NID1: variants seen among roughly 807,000 people sequenced by gnomAD.
NID1 encodes the protein nidogen-1.
A neutral mutation model predicts 130.6 loss-of-function variants in NID1; 76 were observed. That is an observed-to-expected ratio of 0.58 (90% CI 0.48 to 0.70). The LOEUF is 0.70. NID1 is among the 30% of genes least tolerant of loss of function. The probability of loss-of-function intolerance (pLI) is 0.00; values close to 1 mark genes in which losing one functional copy is unlikely to be tolerated. For synonymous variants in NID1, 665 were observed against 675.1 expected (o/e 0.98, Z 0.23); for missense variants, 1,517 against 1,664.8 (o/e 0.91, Z 1.54).
intron 9 of NID1, among the ~76,000 whole-genome samples, chr1:236,020,046 A>AC (rs1387821647): frequency 1.5e-5 from 2 of 136,364 alleles, no homozygotes; most frequent in African/African-American, 5.2e-5. Context: ...TAAAAAAAAA[A>AC]AAAAAAAAAA....
intron 1 of NID1, among the ~76,000 whole-genome samples, chr1:236,058,545 TGTTTCCCATCTTAGAAA>T (rs1659953665): frequency 6.6e-6 from 1 of 152,164 alleles, no homozygotes; most frequent in African/African-American, 2.4e-5. Context: ...AATGGGAGGG[TGTTTCCCATCTTAGAAA>T]GCACTTCCTG....
At chr1:236,057,502 G>T (rs1455356040) in intron 1 of NID1, among the ~76,000 whole-genome samples, 1 of 152,008 alleles carries the variant, frequency 6.6e-6, no homozygotes, top group Non-Finnish European at 1.5e-5. Flanking sequence ...GGCTGAGGCG[G>T]GCGGATCACC....
intron 12 of NID1, among the ~76,000 whole-genome samples, chr1:236,002,043 AG>A (rs1658090565): frequency 6.6e-6 from 1 of 152,248 alleles, no homozygotes; most frequent in Non-Finnish European, 1.5e-5. Flanking sequence ...GCGCCCTGCA[AG>A]GGCTAAATAG....
rs1040993013 is a variant in NID1, at chr1:235,979,759, C to T, written c.3509+63G>A. The stretch of plus-strand genomic sequence containing the variant: ...AAGAGGCCAGATGGGAAGGGCCTGG[C>T]CTCCCAGAGACAGTGGGTGGAGGGG... On this transcript the variant is annotated intron_variant, in intron 18 of 19. Transcript: ENST00000264187. The surrounding 1 kb of genome is among the most constrained non-coding windows in gnomAD (Gnocchi z 4.6). 1.8e-5 allele frequency: 29 copies of T among 1,594,958 alleles called. No homozygotes were observed. Among genetic ancestry groups the T allele is most frequent in the Middle Eastern group, 1.8e-4 (1 of 5,468 alleles).
chr1:236,061,952 C>T (rs1247560806), intron 1 of NID1, among the ~76,000 whole-genome samples: 2 of 152,144 alleles, frequency 1.3e-5, no homozygotes, highest in African/African-American at 2.4e-5. Flanking sequence ...GTCGAGAAAT[C>T]GGAACCCTCA....
Position 236,057,437 on chromosome 1 carries a change from A to T in NID1, c.225+7418T>A, listed in dbSNP as rs148013782. 2.4e-4 allele frequency among the ~76,000 whole-genome samples: 36 copies of T among 151,954 alleles called. 1 individual carries two copies. Among genetic ancestry groups the T allele is most frequent in the African/African-American group, 8.4e-4 (35 of 41,448 alleles). On this transcript the variant is annotated intron_variant, in intron 1 of 19. Coordinates refer to ENST00000264187, the MANE Select transcript of NID1 (RefSeq NM_002508.3). ...TGGATCTATGATTCCCTCCTTCTTG[A>T]AAACCTCCTCAGCTGGGCGTGGTGG...
rs1558428624 is a variant in NID1 at position 236,003,105 on chromosome 1, CTGG to C, written c.2527+8813_2527+8815del. On this transcript the variant is annotated intron_variant, in intron 12 of 19. Transcript: ENST00000264187. ...GGTAGTTGTCACTCCTAGTGAACGA[CTGG>C]TAGTTGTCACTCCTAGTGAACGACT... Among the ~76,000 whole-genome samples the C allele has an allele frequency of 4.7e-5, 5 of 106,554 alleles. 1 individual carries two copies. Among genetic ancestry groups the C allele is most frequent in the Admixed American group, 8.7e-5 (1 of 11,434 alleles). 69.9% of individuals were successfully genotyped at this position (106,554 alleles called of 152,430 possible).
Position 236,026,124 on chromosome 1 carries a change from T to G in NID1, c.1756A>C (p.Thr586Pro), listed in dbSNP as rs750800002. 3.7e-6 allele frequency: 6 copies of G among 1,612,888 alleles called. No homozygotes were observed. The highest frequency in any genetic ancestry group is 5.1e-6 in the Non-Finnish European group (6 of 1,179,772). The change falls in exon 8 of 20, where the codon ACC becomes CCC. Residue 586 changes from threonine (T) to proline (P), a missense_variant. Thr to Pro is a conservative substitution (Grantham distance 38). Transcript: ENST00000264187. ...GGCTCAGTCACCGTGTACTCCCGGG[T>G]GGAGGAGGAAGTGATCACTGCAGAG... is the stretch of plus-strand genomic sequence containing the variant. Reference protein sequence around the residue: ...YSTSVITSSSTREYTVTEPER... With the variant: ...YSTSVITSSSPREYTVTEPER...
intron 10 of NID1, among the ~76,000 whole-genome samples, chr1:236,015,136 T>C (rs990210023): frequency 1.3e-5 from 2 of 152,184 alleles, no homozygotes; most frequent in African/African-American, 4.8e-5. Context: ...CCTTGCCCCA[T>C]TCTGACCTGC....
At chr1:236,060,705 A>G (rs938474883) in intron 1 of NID1, 1 of 152,050 alleles carries the variant, frequency 6.6e-6, no homozygotes, top group Admixed American at 6.6e-5. Flanking sequence ...GGGTTATCTG[A>G]ACTTATTAGC....
chr1:236,064,131 C>T (rs1422794304), intron 1 of NID1, among the ~76,000 whole-genome samples: 4 of 152,128 alleles, frequency 2.6e-5, no homozygotes, highest in African/African-American at 4.8e-5. Context: ...GGCAGCGGCA[C>T]GAAAGGACTT....
At chr1:235,980,791 G>GTGAT in intron 16 of NID1, 138 bp from the exon 17 acceptor site, 1 of 940,052 alleles carries the variant, frequency 1.1e-6, no homozygotes, top group Non-Finnish European at 1.5e-6. Context: ...GGATCGAGAG[G>GTGAT]TGATAAAACA....
At position 235,979,475 on chromosome 1, in the gene NID1, T is replaced by C. The variant is rs1008209896; in HGVS notation, c.3509+347A>G. Among the ~76,000 whole-genome samples, 1 of 152,114 alleles carries C rather than the reference T, an allele frequency of 6.6e-6. No individual in the cohort carries two copies. The highest frequency in any genetic ancestry group is 1.5e-5 in the Non-Finnish European group (1 of 68,014). On this transcript the variant is annotated intron_variant, in intron 18 of 19. Coordinates refer to ENST00000264187, the MANE Select transcript of NID1 (RefSeq NM_002508.3). This position sits in a 1 kb window ranked among gnomAD's most constrained non-coding sequence, Gnocchi z 4.6. ...TAACAACTATAATGAAGCAGGGACA[T>C]GAAGTGGACATGGAGCCCACCGGCC...
At chr1:236,029,303 A>C (rs1263322683) in intron 7 of NID1, among the ~76,000 whole-genome samples, 1 of 152,258 alleles carries the variant, frequency 6.6e-6, no homozygotes, top group Admixed American at 6.5e-5. Context: ...AAATACACTT[A>C]AATGTCATAA....
chr1:235,997,601 CTTTTTTTTTT>C (rs11325487), intron 12 of NID1, among the ~76,000 whole-genome samples: 1 of 127,604 alleles, frequency 7.8e-6, no homozygotes, highest in East Asian at 2.3e-4. Context: ...AGTTCCATTA[CTTTTTTTTTT>C]TTTTTTTTTT....
chr1:236,014,695 C>T (rs911521767), intron 10 of NID1, among the ~76,000 whole-genome samples: 8 of 152,100 alleles, frequency 5.3e-5, no homozygotes, highest in Non-Finnish European at 7.4e-5. Context: ...TAAGCCTGGG[C>T]CCTGTTCTTC....
At chr1:236,015,148 G>A (rs1350396288) in intron 10 of NID1, among the ~76,000 whole-genome samples, 1 of 152,176 alleles carries the variant, frequency 6.6e-6, no homozygotes, top group Non-Finnish European at 1.5e-5. Flanking sequence ...CTGACCTGCA[G>A]GGTAACCTTC....
chr1:236,040,412 T>C (rs1172079105), intron 4 of NID1, among the ~76,000 whole-genome samples: 4 of 152,086 alleles, frequency 2.6e-5, no homozygotes, highest in Admixed American at 1.3e-4. Flanking sequence ...GGGATACTCG[T>C]GAGAACAAGC....
At position 235,981,120 on chromosome 1, in the gene NID1, G is replaced by A. The variant is rs1180244057; in HGVS notation, c.3228-467C>T. Among the ~76,000 whole-genome samples the A allele has an allele frequency of 2.0e-5, 3 of 152,164 alleles. No individual in the cohort carries two copies. In the East Asian group the frequency reaches 5.8e-4, roughly 29 times the overall value. The stretch of plus-strand genomic sequence containing the variant: ...AGAATAGGAGATGTGGTCTCAAAGG[G>A]AAGGAATCAGTGTCGAGGAACTAAG... On this transcript the variant is annotated intron_variant, in intron 16 of 19. Transcript: ENST00000264187.
Sources: gnomAD v4.1 joint callset for allele counts (sites outside exome capture counted in the v4.1 genomes callset) on GRCh38, gnomAD v4.1.1 for gene constraint, Gnocchi (gnomAD v3.1) non-coding constraint, MANE v1.5 for transcripts, NCBI Gene and HGNC (gene_info 2026-07-23, HGNC 2026-07-21) for gene names.